EYA1: variants seen among roughly 807,000 people sequenced by gnomAD.
EYA1 encodes the protein EYA transcriptional coactivator and phosphatase 1.
A neutral mutation model predicts 82.0 loss-of-function variants in EYA1; 16 were observed. The observed-to-expected ratio is 0.20, with a 90% confidence interval of 0.13 to 0.30. The LOEUF (loss-of-function observed/expected upper bound fraction) is 0.30, where lower values mean the gene tolerates loss of function less well. Among genes scored for constraint, EYA1 ranks in the 10% least tolerant of loss-of-function variants. The pLI, the probability that EYA1 is intolerant of heterozygous loss-of-function variation, is 1.00. For synonymous variants in EYA1, 261 were observed against 264.4 expected (o/e 0.99, Z 0.12); for missense variants, 633 against 730.7 (o/e 0.87, Z 1.54).
chr8:71,200,033 A>C (rs1000204491), intron 17 of EYA1: 3 of 158,896 alleles, frequency 1.9e-5, no homozygotes, highest in African/African-American at 4.8e-5. Flanking sequence ...TAGTTTAAGA[A>C]GTGGGAATGT....
chr8:71,216,548 C>T (rs1809225808), intron 14 of EYA1, 144 bp downstream of exon 14: 1 of 870,910 alleles, frequency 1.1e-6, no homozygotes, highest in South Asian at 1.4e-5. Context: ...GTCACTAAAT[C>T]ACAGCAGAAT....
At chr8:71,299,958 C>A (rs554292022) in intron 7 of EYA1, among the ~76,000 whole-genome samples, 1 of 152,124 alleles carries the variant, frequency 6.6e-6, no homozygotes, top group South Asian at 2.1e-4. Flanking sequence ...AGACTAATGA[C>A]AAAATAATAC....
chr8:71,483,116 A>G (rs1810299879), intron 2 of EYA1, among the ~76,000 whole-genome samples: 1 of 152,200 alleles, frequency 6.6e-6, no homozygotes. Flanking sequence ...TTAATGGCCC[A>G]CAATAACCAG....
intron 2 of EYA1, chr8:71,403,751 A>C (rs1415624838): frequency 6.6e-6 from 1 of 152,186 alleles, no homozygotes; most frequent in South Asian, 2.1e-4. Flanking sequence ...CTGCAGAGTG[A>C]TATGTACACC....
chr8:71,278,660 C>T (rs560299297), intron 9 of EYA1, among the ~76,000 whole-genome samples: 1 of 152,310 alleles, frequency 6.6e-6, no homozygotes, highest in Admixed American at 6.5e-5. Context: ...ATACTTCTCC[C>T]AGCCTGATAT....
chr8:71,312,918 T>C (rs759695439), intron 7 of EYA1, among the ~76,000 whole-genome samples: 1 of 152,224 alleles, frequency 6.6e-6, no homozygotes, highest in Non-Finnish European at 1.5e-5. Flanking sequence ...TCCCATCTTC[T>C]TCCCTAATTT....
Position 71,317,570 on chromosome 8 carries a change from A to T in EYA1, c.538T>A (p.Tyr180Asn). Residue 180 changes from tyrosine (Y) to asparagine (N), a missense_variant, in exon 7 of 18, where the codon TAC (tyrosine) becomes AAC (asparagine). Tyr to Asn is a moderately radical substitution (Grantham distance 143, BLOSUM62 -2). Transcript: ENST00000340726. ...TACAGACCTTGCATCTGGTAGCTGT[A>T]TGGTGCCTGTCCAGGTTGAGGGGTA... Reference protein sequence around the residue: ...FSTPQPGQAPYSYQMQGSSFT... With the variant: ...FSTPQPGQAPNSYQMQGSSFT... 6.2e-7 allele frequency: 1 copy of T among 1,614,154 alleles called. No homozygotes were observed. The highest frequency in any genetic ancestry group is 8.5e-7 in the Non-Finnish European group (1 of 1,180,000).
chr8:71,462,604 G>A (rs532148669), intron 2 of EYA1, among the ~76,000 whole-genome samples: 2 of 152,326 alleles, frequency 1.3e-5, no homozygotes, highest in African/African-American at 2.4e-5. Context: ...GGCTCCGGGG[G>A]ATTCCTGCTT....
chr8:71,544,817 G>T (rs185715912), intron 1 of EYA1, among the ~76,000 whole-genome samples: 1 of 152,126 alleles, frequency 6.6e-6, no homozygotes, highest in Non-Finnish European at 1.5e-5. Flanking sequence ...TTTTCAAGTC[G>T]TAATTCTGCT....
intron 12 of EYA1, among the ~76,000 whole-genome samples, chr8:71,217,763 A>T (rs1035053183): frequency 6.6e-6 from 1 of 152,178 alleles, no homozygotes; most frequent in East Asian, 1.9e-4. Flanking sequence ...TTATTATGGC[A>T]TAATGTTATT....
chr8:71,483,192 T>A (rs1199373682), intron 2 of EYA1, among the ~76,000 whole-genome samples: 1 of 152,214 alleles, frequency 6.6e-6, no homozygotes, highest in African/African-American at 2.4e-5. Context: ...TCCTTGAATA[T>A]TGCTGTCCCA....
intron 9 of EYA1, among the ~76,000 whole-genome samples, chr8:71,278,453 TGTC>T (rs1719940784): frequency 6.6e-6 from 1 of 152,242 alleles, no homozygotes; most frequent in Non-Finnish European, 1.5e-5. Flanking sequence ...ATACATTGGC[TGTC>T]ATCATTTTAA....
chr8:71,226,959 T>C (rs1810634570), intron 12 of EYA1, among the ~76,000 whole-genome samples: 1 of 152,008 alleles, frequency 6.6e-6, no homozygotes, highest in African/African-American at 2.4e-5. Flanking sequence ...CAAATTTGTA[T>C]CATAACCAGT....
intron 3 of EYA1, among the ~76,000 whole-genome samples, chr8:71,350,724 TCA>T (rs1021293663): frequency 7.2e-5 from 11 of 152,214 alleles, no homozygotes; most frequent in African/African-American, 2.4e-4. Context: ...TTTTGCTTGC[TCA>T]CACTTTTTTG....
intron 2 of EYA1, among the ~76,000 whole-genome samples, chr8:71,379,018 G>A (rs79021051): frequency 1.5e-3 from 228 of 152,216 alleles, no homozygotes; most frequent in African/African-American, 5.2e-3. Flanking sequence ...CTTTCTATAC[G>A]TAAAAGGCCT....
intron 2 of EYA1, among the ~76,000 whole-genome samples, chr8:71,464,863 A>G (rs768250150): frequency 2.0e-5 from 3 of 152,196 alleles, no homozygotes; most frequent in Non-Finnish European, 4.4e-5. Context: ...GTGATCTTGC[A>G]AAGGACATGT....
intron 4 of EYA1, among the ~76,000 whole-genome samples, chr8:71,330,056 C>T (rs1423767679): frequency 6.6e-6 from 1 of 152,008 alleles, no homozygotes; most frequent in Non-Finnish European, 1.5e-5. Context: ...AGCATGTCTA[C>T]CACATGGGAG....
Position 71,499,871 on chromosome 8 carries a change from C to T in EYA1, c.33+35873G>A, listed in dbSNP as rs62508469. Among the ~76,000 whole-genome samples the T allele has an allele frequency of 5.3e-3, 810 of 152,094 alleles. 3 individuals carry two copies. Among genetic ancestry groups the T allele is most frequent in the Middle Eastern group, 0.017 (5 of 294 alleles). The stretch of plus-strand genomic sequence containing the variant: ...ATTCTGGCTGCATATGCCAGAAAGG[C>T]GCAAGAAAACAGATAGAGGGATAAT... On this transcript the variant is annotated intron_variant, in intron 2 of 18. Coordinates refer to the EYA1 transcript ENST00000643681.
intron 14 of EYA1, among the ~76,000 whole-genome samples, chr8:71,216,476 A>T (rs1256705960): frequency 2.0e-5 from 3 of 152,110 alleles, no homozygotes; most frequent in Non-Finnish European, 4.4e-5. Flanking sequence ...TCACATCACT[A>T]GGTAACAGAG....
Sources: gnomAD v4.1 joint callset for allele counts (sites outside exome capture counted in the v4.1 genomes callset) on GRCh38, gnomAD v4.1.1 for gene constraint, MANE v1.5 for transcripts, NCBI Gene and HGNC (gene_info 2026-07-23, HGNC 2026-07-21) for gene names.